Variants in ANLN observed in about 807,000 individuals in gnomAD.
ANLN encodes anillin, actin binding protein, also known as anillin.
A neutral mutation model predicts 135.1 loss-of-function variants in ANLN; 59 were observed. The ratio of observed to expected loss-of-function variants is 0.44; its 90% confidence interval spans 0.35 to 0.54. The LOEUF (loss-of-function observed/expected upper bound fraction) is 0.54, where lower values mean the gene tolerates loss of function less well. Ranked by LOEUF, ANLN falls within the 20% of genes least tolerant of loss-of-function variation. The pLI is 0.00. For missense variants in ANLN, 1,182 were observed against 1,340.0 expected (o/e 0.88, Z 1.84); for synonymous variants, 406 against 456.4 (o/e 0.89, Z 1.41).
chr7:36,408,011 C>T (rs763956593), intron 5 of ANLN, 55 bp downstream of exon 5: 77 of 1,344,256 alleles, frequency 5.7e-5, no homozygotes, highest in Non-Finnish European at 7.6e-5. Context: ...GATATCTATT[C>T]TCAGCATTTT....
At chr7:36,436,261 C>T (rs978836462) in intron 20 of ANLN, among the ~76,000 whole-genome samples, 12 of 152,092 alleles carry the variant, frequency 7.9e-5, no homozygotes, top group Non-Finnish European at 1.8e-4. Flanking sequence ...TGTAATGTTT[C>T]GGAAGTACAT....
At chr7:36,448,914 C>A (rs931213245) in intron 22 of ANLN, 2 of 152,118 alleles carry the variant, frequency 1.3e-5, no homozygotes, top group African/African-American at 4.8e-5. Flanking sequence ...TATCAGGTTG[C>A]CTACGAGTAA....
chr7:36,441,796 T>C (rs1788783788), intron 21 of ANLN, among the ~76,000 whole-genome samples: 1 of 152,246 alleles, frequency 6.6e-6, no homozygotes, highest in Non-Finnish European at 1.5e-5. Context: ...ACCTTTATGA[T>C]GTAAAAGGTG....
rs150355197 is a variant in ANLN at position 36,406,591 on chromosome 7, T to C, written c.873+25T>C. Reference sequence around the variant, plus strand: ...GGTAAGTCAGTATCATTTTGGTCTTTGGAAGCCTTTTCTTTTTTCGTTATG... The same window carrying C: ...GGTAAGTCAGTATCATTTTGGTCTTCGGAAGCCTTTTCTTTTTTCGTTATG... On this transcript the variant is annotated intron_variant, in intron 4 of 23. Transcript: ENST00000265748. 5.2e-3 allele frequency: 7,590 copies of C among 1,470,808 alleles called. 51 individuals are homozygous for C. Among genetic ancestry groups the C allele is most frequent in the South Asian group, 0.028 (1,869 of 66,232 alleles). The allele number at this position is 1,470,808 out of a possible 1,614,324, so 91.1% of individuals were successfully genotyped here.
chr7:36,419,141 T>C (rs541580755), intron 9 of ANLN, 103 bp from the exon 10 acceptor site: 9 of 762,698 alleles, frequency 1.2e-5, no homozygotes, highest in Non-Finnish European at 1.6e-5. Context: ...TTTTAAGGCA[T>C]TTTTTCCTAT....
At chr7:36,423,470 G>A (rs940428086) in intron 14 of ANLN, among the ~76,000 whole-genome samples, 5 of 152,020 alleles carry the variant, frequency 3.3e-5, no homozygotes, top group African/African-American at 1.2e-4. Flanking sequence ...TTTAATTTCA[G>A]TTTTGAAATA....
chr7:36,391,695 G>A (rs973708830), intron 1 of ANLN, among the ~76,000 whole-genome samples: 1 of 152,012 alleles, frequency 6.6e-6, no homozygotes, highest in Non-Finnish European at 1.5e-5. Context: ...TCTCAACCAG[G>A]GTTTCCTCTC....
intron 13 of ANLN, among the ~76,000 whole-genome samples, chr7:36,422,305 C>T (rs1787910384): frequency 6.6e-6 from 1 of 151,900 alleles, no homozygotes; most frequent in Non-Finnish European, 1.5e-5. Flanking sequence ...CTCTCTCTCT[C>T]TCCCTTCCTT....
intron 20 of ANLN, among the ~76,000 whole-genome samples, chr7:36,432,523 C>G (rs911225200): frequency 5.3e-5 from 8 of 152,182 alleles, no homozygotes; most frequent in Admixed American, 5.2e-4. Flanking sequence ...AATATAAGAT[C>G]AAAATGTATT....
intron 4 of ANLN, 38 bp from the exon 5 acceptor site, chr7:36,407,696 T>C: frequency 1.4e-6 from 2 of 1,446,732 alleles, no homozygotes; most frequent in East Asian, 2.3e-5. Context: ...TTTTAGATAT[T>C]GTGAATGTTG....
At chr7:36,427,732 C>A (rs552140215) in intron 20 of ANLN, among the ~76,000 whole-genome samples, 1 of 152,274 alleles carries the variant, frequency 6.6e-6, no homozygotes, top group South Asian at 2.1e-4. Context: ...GGTAGATTAA[C>A]CTCTTAGAAA....
intron 20 of ANLN, among the ~76,000 whole-genome samples, chr7:36,438,102 T>G (rs1788621114): frequency 6.6e-6 from 1 of 152,196 alleles, no homozygotes; most frequent in Admixed American, 6.5e-5. Context: ...CTAAGAGTTT[T>G]ATAATTTTAG....
chr7:36,432,337 GCTT>G (rs1003039953), intron 20 of ANLN, among the ~76,000 whole-genome samples: 3 of 152,154 alleles, frequency 2.0e-5, no homozygotes, highest in Non-Finnish European at 4.4e-5. Flanking sequence ...GGTAGAAGCT[GCTT>G]CTTCTGTTGT....
At chr7:36,407,600 TAGAG>T (rs1787242140) in intron 4 of ANLN, 130 bp from the exon 5 acceptor site, 1 of 699,122 alleles carries the variant, frequency 1.4e-6, no homozygotes, top group East Asian at 2.8e-5. Context: ...TTTGATCTAT[TAGAG>T]AGCAAAATCA....
chr7:36,432,322 C>G (rs907387937), intron 20 of ANLN, among the ~76,000 whole-genome samples: 1 of 152,188 alleles, frequency 6.6e-6, no homozygotes, highest in Non-Finnish European at 1.5e-5. Flanking sequence ...TCTCCTGTCT[C>G]ATTTGGTAGA....
Position 36,422,682 on chromosome 7 carries a change from A to C in ANLN, c.2349A>C (p.Glu783Asp). 6.2e-7 allele frequency: 1 copy of C among 1,612,094 alleles called. No individual in the cohort carries two copies. The highest frequency in any genetic ancestry group is 8.5e-7 in the Non-Finnish European group (1 of 1,179,468). Residue 783 changes from glutamate (E) to aspartate (D), a missense_variant, in exon 14 of 24, where the codon GAA becomes GAC. Around this residue, in one of 3 missense-constraint regions of ANLN, gnomAD observed 1,022 missense variants for 1,134.0 expected, o/e 0.90. Transcript: ENST00000265748. ...LIDELNKLKN[E>D]GPQRKNKASP... is the part of the protein sequence containing the mutation. The stretch of plus-strand genomic sequence containing the variant: ...ATGAATTGAATAAATTGAAGAACGA[A>C]GGACCTCAGAGGAAGAATAAGGCTA...
In ANLN at chr7:36,396,273, T is replaced by A; in HGVS notation, c.26T>A (p.Leu9Gln). 1 of 1,593,400 alleles carries A rather than the reference T, an allele frequency of 6.3e-7. No homozygotes were observed. The highest frequency in any genetic ancestry group is 1.1e-5 in the South Asian group (1 of 87,982). Residue 9 changes from leucine to glutamine, a missense_variant, in exon 2 of 24, where the codon CTG (leucine) becomes CAG (glutamine). Leu to Gln is a moderately radical substitution (Grantham distance 113). Transcript: ENST00000265748. Reference protein sequence around the residue: MDPFTEKLLERTRARRENL... With the variant: MDPFTEKLQERTRARRENL... ...ATATATTTATTTATGTAGAAACTGC[T>A]GGAGCGAACCCGTGCCAGGCGAGAG... is the stretch of plus-strand genomic sequence containing the variant.
In ANLN at chr7:36,443,767, G is replaced by T; in HGVS notation, c.2983G>T (p.Asp995Tyr). 6.2e-7 allele frequency: 1 copy of T among 1,610,986 alleles called. No homozygotes were observed. ...EERGFLTIFE[D>Y]VSGFGAWHRR... Reference sequence around the variant, plus strand: ...CTGACTTTTCCAGACCATATTTGAAGATGTTAGTGGTTTTGGTGCCTGGCA... The same window carrying T: ...CTGACTTTTCCAGACCATATTTGAATATGTTAGTGGTTTTGGTGCCTGGCA... Residue 995 changes from aspartate to tyrosine, a missense_variant, in exon 22 of 24, where the codon GAT becomes TAT. Coordinates refer to ENST00000265748, the MANE Select transcript of ANLN (RefSeq NM_018685.5).
chr7:36,422,591 G>A, intron 13 of ANLN, 42 bp from the exon 14 acceptor site: 2 of 1,531,220 alleles, frequency 1.3e-6, no homozygotes, highest in Non-Finnish European at 1.8e-6. Context: ...ATTAGAAACA[G>A]TTACGATTTT....
Sources: gnomAD v4.1 joint callset for allele counts (sites outside exome capture counted in the v4.1 genomes callset) on GRCh38, gnomAD v4.1.1 for gene constraint, gnomAD v4.1.1 regional missense constraint, MANE v1.5 for transcripts, NCBI Gene and HGNC (gene_info 2026-07-23, HGNC 2026-07-21) for gene names.